The following SGK1 variants were observed in gnomAD, a reference collection of about 807,000 sequenced individuals.
SGK1 encodes the protein serine/threonine-protein kinase Sgk1.
Under a neutral mutation model 64.2 loss-of-function variants are expected in SGK1, and 26 were observed. The ratio of observed to expected loss-of-function variants is 0.40; its 90% CI spans 0.30 to 0.56. The LOEUF is 0.56. Ranked by LOEUF, SGK1 falls within the 20% of genes least tolerant of loss-of-function variation. The pLI is 0.38. For synonymous variants in SGK1, 265 were observed against 239.7 expected (o/e 1.11, Z -0.98); for missense variants, 519 against 645.6 (o/e 0.80, Z 2.12).
intron 2 of SGK1, among the ~76,000 whole-genome samples, chr6:134,258,095 A>G (rs934963907): frequency 4.0e-5 from 6 of 151,656 alleles, no homozygotes; most frequent in African/African-American, 1.5e-4. Context: ...CTATAAAAAC[A>G]CAAAATATAG....
intron 2 of SGK1, among the ~76,000 whole-genome samples, chr6:134,226,232 C>A (rs116825939): frequency 0.078 from 11,859 of 152,100 alleles, 518 homozygotes; most frequent in African/African-American, 0.087. Flanking sequence ...CTCCTATACC[C>A]CAACCAAAAC....
intron 1 of SGK1, among the ~76,000 whole-genome samples, chr6:134,270,863 A>T (rs935348441): frequency 6.8e-6 from 1 of 148,010 alleles, no homozygotes; most frequent in Non-Finnish European, 1.5e-5. Context: ...CTCAGTAAGT[A>T]TAAAGTCTCC....
intron 1 of SGK1, among the ~76,000 whole-genome samples, chr6:134,306,328 C>G (rs1725929109): frequency 6.6e-6 from 1 of 151,832 alleles, no homozygotes; most frequent in African/African-American, 2.4e-5. Flanking sequence ...GAGGCTGAGG[C>G]AGAAGAATTG....
intron 2 of SGK1, among the ~76,000 whole-genome samples, chr6:134,209,393 C>T (rs1420270286): frequency 6.6e-6 from 1 of 152,090 alleles, no homozygotes; most frequent in Admixed American, 6.6e-5. Flanking sequence ...GAGATCGTGC[C>T]ACTGCACTCT....
intron 2 of SGK1, among the ~76,000 whole-genome samples, chr6:134,229,857 G>A (rs1219348665): frequency 5.3e-5 from 8 of 151,804 alleles, no homozygotes; most frequent in Non-Finnish European, 7.4e-5. Flanking sequence ...AAAAAGAAAA[G>A]AAAACATCTT....
intron 1 of SGK1, among the ~76,000 whole-genome samples, chr6:134,305,337 C>G (rs375481031): frequency 2.4e-4 from 33 of 136,262 alleles, no homozygotes; most frequent in African/African-American, 8.0e-4. Flanking sequence ...TCCAGCCAGC[C>G]TGGGCAACAG....
chr6:134,284,384 T>G (rs1271826000), intron 1 of SGK1, among the ~76,000 whole-genome samples: 1 of 152,120 alleles, frequency 6.6e-6, no homozygotes, highest in Non-Finnish European at 1.5e-5. Context: ...CCTGAGCCAC[T>G]GCAGCCGGCC....
chr6:134,296,851 G>A, intron 1 of SGK1: 1 of 179,074 alleles, frequency 5.6e-6, no homozygotes, highest in Non-Finnish European at 1.2e-5. Context: ...TCCCCAAGCA[G>A]TAAACTTCCC....
chr6:134,227,536 A>G (rs577707430), intron 2 of SGK1, among the ~76,000 whole-genome samples: 6 of 152,366 alleles, frequency 3.9e-5, no homozygotes, highest in African/African-American at 1.4e-4. Context: ...ATTGCTGGAA[A>G]AGCTTTTAAG....
chr6:134,170,915 T>C lies in SGK1; in HGVS notation c.1324A>G (p.Met442Val). ...TKRLGAKDDF[M>V]EIKSHVFFSL... ...AAGAAGACATGACTCTTAATCTCCA[T>C]CTGTTGATAAGAAACCCAAGATTAA... Residue 442 changes from methionine to valine, a missense_variant and splice_region_variant, in exon 13 of 14, where the codon ATG becomes GTG. By Grantham distance (21) the Met-to-Val change is conservative. This residue lies in a region of SGK1 where 278 missense variants were observed against 408.7 expected (regional missense o/e 0.68). Transcript: ENST00000367858. The C allele has an allele frequency of 1.2e-6, 2 of 1,610,340 alleles. No homozygotes were observed.
At chr6:134,232,471 GAA>G (rs67172532) in intron 2 of SGK1, among the ~76,000 whole-genome samples, 1,919 of 13,004 alleles carry the variant, frequency 0.15, 170 homozygotes, top group South Asian at 0.49. Context: ...AAGAAAGAAA[GAA>G]AGAAAGAAAG....
At chr6:134,242,410 T>A (rs1408073326) in intron 2 of SGK1, among the ~76,000 whole-genome samples, 1 of 151,672 alleles carries the variant, frequency 6.6e-6, no homozygotes, top group African/African-American at 2.4e-5. Context: ...CGCTTGAACC[T>A]GGGAGGCGGA....
intron 3 of SGK1, among the ~76,000 whole-genome samples, chr6:134,197,061 C>T (rs1031633133): frequency 1.5e-4 from 23 of 151,554 alleles, no homozygotes; most frequent in African/African-American, 5.1e-4. Flanking sequence ...GGTGAAACCC[C>T]ATCTCTACAA....
intron 2 of SGK1, among the ~76,000 whole-genome samples, chr6:134,235,274 G>T (rs762996983): frequency 2.6e-5 from 4 of 152,150 alleles, no homozygotes; most frequent in Non-Finnish European, 5.9e-5. Context: ...TGAGAGATGT[G>T]CTATGTAAGC....
intron 3 of SGK1, among the ~76,000 whole-genome samples, chr6:134,206,393 T>A (rs1367173570): frequency 2.0e-3 from 72 of 36,792 alleles, no homozygotes; most frequent in African/African-American, 4.4e-3. Flanking sequence ...ATTTTTTTTT[T>A]TTTTTTTTTT....
chr6:134,280,520 C>A (rs532459815), intron 1 of SGK1, among the ~76,000 whole-genome samples: 1 of 152,300 alleles, frequency 6.6e-6, no homozygotes, highest in Admixed American at 6.5e-5. Context: ...TCAAGCGATT[C>A]TCCCACCTTG....
chr6:134,244,837 G>A (rs1206375396), intron 2 of SGK1, among the ~76,000 whole-genome samples: 3 of 152,146 alleles, frequency 2.0e-5, no homozygotes, highest in Admixed American at 6.5e-5. Context: ...GTGCAATGGC[G>A]CAATCTTGGC....
intron 2 of SGK1, among the ~76,000 whole-genome samples, chr6:134,244,275 A>G (rs1374648301): frequency 6.6e-6 from 1 of 152,160 alleles, no homozygotes. Context: ...TTCTAGCTTC[A>G]TCCATGTCCC....
intron 1 of SGK1, among the ~76,000 whole-genome samples, chr6:134,275,339 G>T (rs1377264645): frequency 6.6e-6 from 1 of 152,162 alleles, no homozygotes; most frequent in African/African-American, 2.4e-5. Flanking sequence ...GACCCACTGT[G>T]TCCAGCCTCC....
Sources: gnomAD v4.1 joint callset for allele counts (sites outside exome capture counted in the v4.1 genomes callset) on GRCh38, gnomAD v4.1.1 for gene constraint, gnomAD v4.1.1 regional missense constraint, MANE v1.5 for transcripts, NCBI Gene and HGNC (gene_info 2026-07-23, HGNC 2026-07-21) for gene names.